The following TRABD2A variants were observed in gnomAD, a reference collection of about 807,000 sequenced individuals.
TRABD2A encodes metalloprotease TIKI1.
TRABD2A carries 43 observed loss-of-function variants against 45.6 expected under a neutral mutation model. That is an observed-to-expected ratio of 0.94 (90% CI 0.74 to 1.22). The LOEUF (loss-of-function observed/expected upper bound fraction) is 1.22. Ranked by LOEUF, TRABD2A falls within the 50% of genes most tolerant of loss-of-function variation. The pLI is 0.00. For synonymous variants in TRABD2A, 269 were observed against 265.0 expected (o/e 1.02, Z -0.15); for missense variants, 642 against 652.4 (o/e 0.98, Z 0.17).
At chr2:84,858,954 C>A (rs1410765329) in intron 2 of TRABD2A, among the ~76,000 whole-genome samples, 1 of 152,128 alleles carries the variant, frequency 6.6e-6, no homozygotes, top group African/African-American at 2.4e-5. Flanking sequence ...TAGCAAGACC[C>A]CATCTCTACA....
Position 84,880,978 on chromosome 2 carries a change from G to T in TRABD2A, c.62C>A (p.Ser21Ter), listed in dbSNP as rs751405880. 17 of 1,604,118 alleles carry T rather than the reference G, an allele frequency of 1.1e-5. No individual in the cohort carries two copies. In the East Asian group the frequency reaches 3.6e-4, roughly 34 times the overall value. The change falls in exon 1 of 7, where the codon TCG becomes TAG. Residue 21 changes from serine to a stop codon, truncating the protein, a stop_gained. Coordinates refer to ENST00000409520, the MANE Select transcript of TRABD2A (RefSeq NM_001277053.2). LOFTEE classifies it high-confidence loss of function. The part of the protein sequence containing the change: ...TLCLLPTGAA[S>*]RRGAPGTANC... Reference sequence around the variant, plus strand: ...GGCGGTGCCGGGCGCCCCGCGCCGCGAAGCTGCGCCCGTGGGCAGGAGGCA... The same window carrying T: ...GGCGGTGCCGGGCGCCCCGCGCCGCTAAGCTGCGCCCGTGGGCAGGAGGCA...
chr2:84,879,371 A>T (rs1356879227), intron 1 of TRABD2A, among the ~76,000 whole-genome samples: 1 of 151,830 alleles, frequency 6.6e-6, no homozygotes, highest in Admixed American at 6.6e-5. Flanking sequence ...TGTAGAGACA[A>T]GGGTCTCGCC....
At chr2:84,839,060 C>T in intron 4 of TRABD2A, 89 bp downstream of exon 4, 2 of 1,464,142 alleles carry the variant, frequency 1.4e-6, no homozygotes, top group South Asian at 2.5e-5. Flanking sequence ...ATGACTAACA[C>T]AGGCCCTAAG....
At chr2:84,824,310 GA>G (rs1357789055) in intron 5 of TRABD2A, 106 bp from the exon 6 acceptor site, 3 of 1,471,990 alleles carry the variant, frequency 2.0e-6, no homozygotes, top group Non-Finnish European at 2.7e-6. Context: ...CAGATAACCT[GA>G]AAGTTCAAGC....
At chr2:84,867,776 G>T (rs550862107) in intron 2 of TRABD2A, among the ~76,000 whole-genome samples, 50 of 152,286 alleles carry the variant, frequency 3.3e-4, no homozygotes, top group African/African-American at 1.2e-3. Context: ...GTGGGCAAAG[G>T]ATATGAACAG....
At chr2:84,838,414 T>G (rs1681591171) in intron 4 of TRABD2A, among the ~76,000 whole-genome samples, 1 of 152,228 alleles carries the variant, frequency 6.6e-6, no homozygotes, top group Non-Finnish European at 1.5e-5. Flanking sequence ...GTGTTCTTAT[T>G]GCTGCTATGG....
At chr2:84,864,226 G>C (rs1682598430) in intron 2 of TRABD2A, among the ~76,000 whole-genome samples, 1 of 152,132 alleles carries the variant, frequency 6.6e-6, no homozygotes, top group African/African-American at 2.4e-5. Context: ...TGAACCCCTG[G>C]CCCATCCTGT....
intron 2 of TRABD2A, among the ~76,000 whole-genome samples, chr2:84,845,625 T>C (rs1318236963): frequency 1.3e-5 from 2 of 152,132 alleles, no homozygotes. Flanking sequence ...TCTAGGATTC[T>C]GGAAACTGAG....
In TRABD2A at chr2:84,823,935, C is replaced by G. The variant is rs369448217; in HGVS notation, c.1334+18G>C. ...GGGTAAAGGTGGATGCCAACCCGAC[C>G]CAGCCTACTCGCCTGACCTCTCCTC... On this transcript the variant is annotated intron_variant, in intron 6 of 6. Coordinates refer to ENST00000409520, the MANE Select transcript of TRABD2A (RefSeq NM_001277053.2). 10 of 1,612,324 alleles carry G rather than the reference C, an allele frequency of 6.2e-6. No individual in the cohort carries two copies. The Admixed American group carries it at 6.7e-5, about 11-fold the overall frequency.
intron 2 of TRABD2A, among the ~76,000 whole-genome samples, chr2:84,863,717 T>G (rs561496696): frequency 6.7e-6 from 1 of 149,452 alleles, no homozygotes; most frequent in African/African-American, 2.5e-5. Flanking sequence ...GTTCAAGTGA[T>G]TATCCTGCCT....
intron 1 of TRABD2A, among the ~76,000 whole-genome samples, chr2:84,878,183 C>T (rs1559101451): frequency 2.0e-5 from 3 of 152,014 alleles, no homozygotes; most frequent in Non-Finnish European, 4.4e-5. Context: ...AGGGAGCAAG[C>T]CTGTGGATAA....
chr2:84,856,603 G>A (rs576652463), intron 2 of TRABD2A, among the ~76,000 whole-genome samples: 9 of 152,264 alleles, frequency 5.9e-5, no homozygotes, highest in African/African-American at 2.2e-4. Flanking sequence ...GTGCTATGTT[G>A]TCAATGATGA....
chr2:84,879,181 ACTT>A (rs1318119022), intron 1 of TRABD2A, among the ~76,000 whole-genome samples: 5 of 136,338 alleles, frequency 3.7e-5, no homozygotes, highest in African/African-American at 1.4e-4. Context: ...GGTTTTCAAT[ACTT>A]TTTTTTTTTT....
chr2:84,844,036 G>T (rs964889072), intron 2 of TRABD2A: 4 of 152,198 alleles, frequency 2.6e-5, no homozygotes, highest in African/African-American at 9.7e-5. Context: ...TCTGGAAGGC[G>T]TCTCCCCAAG....
In TRABD2A at chr2:84,870,581, G is replaced by A. The variant is rs1228257566; in HGVS notation, c.313C>T (p.Leu105=). Residue 105 remains leucine, a synonymous_variant, in exon 2 of 7, where the codon CTG becomes TTG. Coordinates refer to ENST00000409520, the MANE Select transcript of TRABD2A (RefSeq NM_001277053.2). ...TISALTSCQM[L]PQGENLQDVL... is the part of the protein sequence containing the mutation. ...TCTTGGAGGTTCTCGCCCTGTGGCA[G>A]CATCTGACAGCTGGTGAGAGCTGAG... The A allele has an allele frequency of 1.9e-6, 3 of 1,613,714 alleles. No individual in the cohort carries two copies. Among genetic ancestry groups the A allele is most frequent in the Non-Finnish European group, 2.5e-6 (3 of 1,179,750 alleles).
chr2:84,854,066 A>T lies in TRABD2A; in HGVS notation c.670-12059T>A, dbSNP rs148414095. 1.8e-3 allele frequency among the ~76,000 whole-genome samples: 273 copies of T among 149,014 alleles called. 1 individual carries two copies. Among genetic ancestry groups the T allele is most frequent in the African/African-American group, 6.1e-3 (252 of 41,024 alleles). On this transcript the variant is annotated intron_variant, in intron 2 of 6. Transcript: ENST00000409520. The stretch of plus-strand genomic sequence containing the variant: ...TTTCATATATTATATATAAATATAT[A>T]TTATTTATATTTGAAAAAATAAAAA...
chr2:84,868,586 G>T (rs895713884), intron 2 of TRABD2A, among the ~76,000 whole-genome samples: 2 of 151,896 alleles, frequency 1.3e-5, no homozygotes, highest in African/African-American at 4.8e-5. Flanking sequence ...TAACTAATGG[G>T]TGCAGCACAC....
intron 4 of TRABD2A, chr2:84,836,228 A>T (rs1681502286): frequency 6.6e-6 from 1 of 152,250 alleles, no homozygotes; most frequent in South Asian, 2.1e-4. Flanking sequence ...TCTAATTGAC[A>T]TTTAAAGAAT....
Position 84,866,016 on chromosome 2 carries a change from G to A in TRABD2A, c.669+4209C>T, listed in dbSNP as rs752690037. 3.9e-5 allele frequency among the ~76,000 whole-genome samples: 6 copies of A among 152,248 alleles called. 1 individual carries two copies. In the South Asian group the frequency reaches 1.2e-3, roughly 32 times the overall value. The stretch of plus-strand genomic sequence containing the variant: ...TTCGATACCGAGGGGCAAGGATGAT[G>A]TCTGCCCTGAGATGACAAGATCAAA... On this transcript the variant is annotated intron_variant, in intron 2 of 6. Coordinates refer to ENST00000409520, the MANE Select transcript of TRABD2A (RefSeq NM_001277053.2).
Sources: gnomAD v4.1 joint callset for allele counts (sites outside exome capture counted in the v4.1 genomes callset) on GRCh38, gnomAD v4.1.1 for gene constraint, MANE v1.5 for transcripts, NCBI Gene and HGNC (gene_info 2026-07-23, HGNC 2026-07-21) for gene names.